The following PRR16 variants were observed in gnomAD, a reference collection of about 807,000 sequenced individuals.
PRR16 encodes protein Largen.
A neutral mutation model predicts 18.2 loss-of-function variants in PRR16; 6 were observed. That is an observed-to-expected ratio of 0.33 (90% confidence interval 0.18 to 0.65). The LOEUF (loss-of-function observed/expected upper bound fraction) is 0.65. Among genes scored for constraint, PRR16 ranks in the 30% least tolerant of loss-of-function variants. PRR16 has a pLI of 0.74. For synonymous variants in PRR16, 151 were observed against 147.8 expected, an observed-to-expected ratio of 1.02 and a Z score of -0.16; for missense variants, 412 against 376.6, an observed-to-expected ratio of 1.09 and a Z score of -0.78.
chr5:120,733,079 T>C, the PRR16 span, among the ~76,000 whole-genome samples: 1 of 152,332 alleles, frequency 6.6e-6, no homozygotes, highest in South Asian at 2.1e-4. Context: ...CAGTGGACTA[T>C]TTATTAATAA....
chr5:120,745,676 A>ATTTAT, the PRR16 span, among the ~76,000 whole-genome samples: 15,450 of 150,786 alleles, frequency 0.1, 1,011 homozygotes, highest in African/African-American at 0.18. Flanking sequence ...TTAGCCTTGT[A>ATTTAT]TTTATTTTAT....
chr5:120,482,826 G>A (rs1749663959), intron 1 of PRR16, among the ~76,000 whole-genome samples: 2 of 152,162 alleles, frequency 1.3e-5, no homozygotes, highest in Admixed American at 1.3e-4. Flanking sequence ...ACATAGCAAA[G>A]TATATGTAAT....
At chr5:120,652,148 G>A (rs1310910990) in intron 1 of PRR16, among the ~76,000 whole-genome samples, 1 of 151,992 alleles carries the variant, frequency 6.6e-6, no homozygotes, top group African/African-American at 2.4e-5. Flanking sequence ...TTCTATGGAT[G>A]TACATTAATA....
chr5:120,600,048 C>T (rs1753933800), intron 1 of PRR16, among the ~76,000 whole-genome samples: 1 of 151,846 alleles, frequency 6.6e-6, no homozygotes, highest in South Asian at 2.1e-4. Context: ...TCTAGGTGCA[C>T]TTCTGAAGCA....
At chr5:120,513,275 C>G (rs1423298122) in intron 1 of PRR16, among the ~76,000 whole-genome samples, 1 of 152,134 alleles carries the variant, frequency 6.6e-6, no homozygotes, top group Admixed American at 6.5e-5. Context: ...TGCGTTGATT[C>G]CATTTGTATT....
At chr5:120,633,168 A>G (rs768917640) in intron 1 of PRR16, among the ~76,000 whole-genome samples, 44 of 152,148 alleles carry the variant, frequency 2.9e-4, no homozygotes, top group Non-Finnish European at 5.6e-4. Flanking sequence ...TTTTTTCCAG[A>G]CAAGCAAATG....
chr5:120,500,900 T>C (rs1255166997), intron 1 of PRR16, among the ~76,000 whole-genome samples: 2 of 152,192 alleles, frequency 1.3e-5, no homozygotes, highest in Non-Finnish European at 2.9e-5. Flanking sequence ...TTTTTTTATC[T>C]TATAAATTAG....
chr5:120,664,901 G>A (rs1756314351), intron 1 of PRR16, among the ~76,000 whole-genome samples: 1 of 151,878 alleles, frequency 6.6e-6, no homozygotes, highest in South Asian at 2.1e-4. Flanking sequence ...ATTGTGAATA[G>A]TGCCGCAATA....
the PRR16 span, among the ~76,000 whole-genome samples, chr5:120,747,408 G>A: frequency 2.0e-5 from 3 of 152,238 alleles, no homozygotes; most frequent in South Asian, 2.1e-4. Context: ...CCAAACTTCC[G>A]TAAATGTGTG....
chr5:120,646,390 G>A lies in PRR16; in HGVS notation c.160-39564G>A, dbSNP rs1237884212. Among the ~76,000 whole-genome samples the A allele has an allele frequency of 5.3e-5, 8 of 151,806 alleles. No homozygotes were observed. The East Asian group carries it at 1.4e-3, about 26-fold the overall frequency. On this transcript the variant is annotated intron_variant, in intron 1 of 1. Coordinates refer to ENST00000407149, the MANE Select transcript of PRR16 (RefSeq NM_001300783.2). The stretch of plus-strand genomic sequence containing the variant: ...AATCAAAGAGTGAGTGAATGGTTTT[G>A]GAGACTTTGTAGAATTTTAGCAGCC...
At chr5:120,787,198 A>C in the PRR16 span, among the ~76,000 whole-genome samples, 1 of 152,168 alleles carries the variant, frequency 6.6e-6, no homozygotes, top group African/African-American at 2.4e-5. Context: ...CTATATTTGA[A>C]GTAAACATGC....
At chr5:120,626,017 C>A (rs1301397101) in intron 1 of PRR16, among the ~76,000 whole-genome samples, 1 of 152,094 alleles carries the variant, frequency 6.6e-6, no homozygotes, top group South Asian at 2.1e-4. Flanking sequence ...CTATTAACCA[C>A]ACTATAATTC....
intron 1 of PRR16, among the ~76,000 whole-genome samples, chr5:120,474,620 A>G (rs1422748227): frequency 6.8e-6 from 1 of 147,776 alleles, no homozygotes. Flanking sequence ...CATTATCTGT[A>G]TTTTTCTTTA....
chr5:120,674,253 C>T (rs906723026), intron 1 of PRR16, among the ~76,000 whole-genome samples: 3 of 152,026 alleles, frequency 2.0e-5, no homozygotes, highest in Non-Finnish European at 2.9e-5. Flanking sequence ...TCTCTGCCCC[C>T]CTGCCCGCCC....
intron 1 of PRR16, among the ~76,000 whole-genome samples, chr5:120,647,370 CCTG>C (rs1402101415): frequency 6.6e-6 from 1 of 151,182 alleles, no homozygotes; most frequent in African/African-American, 2.4e-5. Flanking sequence ...ATGTGTAAAA[CCTG>C]CTTAATTTTT....
At chr5:120,754,636 ATAAAG>A in the PRR16 span, among the ~76,000 whole-genome samples, 14 of 111,462 alleles carry the variant, frequency 1.3e-4, no homozygotes, top group Non-Finnish European at 2.3e-4. Flanking sequence ...TATATAATAT[ATAAAG>A]TATTTATATA....
chr5:120,562,422 A>T (rs1469313247), intron 1 of PRR16, among the ~76,000 whole-genome samples: 6 of 151,896 alleles, frequency 4.0e-5, no homozygotes, highest in African/African-American at 9.7e-5. Context: ...GACTTTTTTT[A>T]TATACATACA....
chr5:120,569,123 A>G (rs1752825165), intron 1 of PRR16, among the ~76,000 whole-genome samples: 1 of 152,050 alleles, frequency 6.6e-6, no homozygotes, highest in Non-Finnish European at 1.5e-5. Context: ...CTTTTTGTTT[A>G]TAAATGCTTG....
At chr5:120,749,168 A>G in the PRR16 span, among the ~76,000 whole-genome samples, 2 of 152,108 alleles carry the variant, frequency 1.3e-5, no homozygotes, top group Admixed American at 6.6e-5. Context: ...ACTCATTTTC[A>G]TAGAAAACAC....
Sources: allele counts gnomAD v4.1 joint callset (sites outside exome capture counted in the v4.1 genomes callset), GRCh38; gene constraint gnomAD v4.1.1; transcripts MANE v1.5; gene names NCBI Gene and HGNC (gene_info 2026-07-23, HGNC 2026-07-21).